CADPS2: variants seen among roughly 807,000 people sequenced by gnomAD.
CADPS2 encodes calcium dependent secretion activator 2.
CADPS2 carries 93 observed loss-of-function variants against 172.5 expected under a neutral mutation model. The observed-to-expected ratio is 0.54, with a 90% CI of 0.46 to 0.64. The LOEUF (loss-of-function observed/expected upper bound fraction) is 0.64. Ranked by LOEUF, CADPS2 falls within the 30% of genes least tolerant of loss-of-function variation. The pLI, the probability that CADPS2 is intolerant of heterozygous loss-of-function variation, is 0.00. For synonymous variants in CADPS2, 546 were observed against 555.2 expected (o/e 0.98, Z 0.23); for missense variants, 1,420 against 1,565.9 (o/e 0.91, Z 1.57).
intron 2 of CADPS2, among the ~76,000 whole-genome samples, chr7:122,675,069 G>A (rs1044215488): frequency 5.3e-5 from 8 of 152,054 alleles, no homozygotes; most frequent in African/African-American, 1.4e-4. Flanking sequence ...TGATTCATAC[G>A]TGTTGTAATC....
chr7:122,491,655 T>G (rs936567110), intron 9 of CADPS2, among the ~76,000 whole-genome samples: 2 of 152,150 alleles, frequency 1.3e-5, no homozygotes, highest in African/African-American at 4.8e-5. Flanking sequence ...AAGACAATGA[T>G]TTGGTGCTCA....
intron 14 of CADPS2, among the ~76,000 whole-genome samples, chr7:122,467,101 C>T (rs1008296232): frequency 6.6e-6 from 1 of 152,016 alleles, no homozygotes; most frequent in African/African-American, 2.4e-5. Flanking sequence ...AAATATACTC[C>T]CCAATACCCA....
At chr7:122,777,481 G>T (rs2093920466) in intron 1 of CADPS2, among the ~76,000 whole-genome samples, 1 of 152,162 alleles carries the variant, frequency 6.6e-6, no homozygotes, top group Admixed American at 6.5e-5. Flanking sequence ...CCTGGAAAAT[G>T]ACATCTCTTA....
At chr7:122,731,320 G>A (rs1174057762) in intron 2 of CADPS2, among the ~76,000 whole-genome samples, 1 of 151,476 alleles carries the variant, frequency 6.6e-6, no homozygotes, top group Non-Finnish European at 1.5e-5. Context: ...TATGCTGAAA[G>A]CAGCTAGTAA....
chr7:122,595,113 C>G (rs1431819638), intron 6 of CADPS2, among the ~76,000 whole-genome samples: 1 of 151,522 alleles, frequency 6.6e-6, no homozygotes, highest in Non-Finnish European at 1.5e-5. Context: ...TCTCAACCTA[C>G]TTGCTCCCAT....
chr7:122,768,800 C>T (rs955844001), intron 1 of CADPS2, among the ~76,000 whole-genome samples: 1 of 151,846 alleles, frequency 6.6e-6, no homozygotes, highest in African/African-American at 2.4e-5. Flanking sequence ...CCCAAAGACC[C>T]CATGTGTAGA....
intron 27 of CADPS2, among the ~76,000 whole-genome samples, chr7:122,355,931 C>T (rs1236293833): frequency 1.3e-5 from 2 of 152,120 alleles, no homozygotes; most frequent in Non-Finnish European, 2.9e-5. Context: ...TTTTAATAAA[C>T]ATTTTATTTT....
chr7:122,849,206 T>C (rs942620045), intron 1 of CADPS2, among the ~76,000 whole-genome samples: 3 of 152,216 alleles, frequency 2.0e-5, no homozygotes, highest in Non-Finnish European at 2.9e-5. Context: ...ACCTGACTGA[T>C]GTTTATCAAA....
intron 28 of CADPS2, chr7:122,331,241 A>G (rs1209910984): frequency 6.6e-6 from 1 of 152,342 alleles, no homozygotes; most frequent in East Asian, 1.9e-4. Context: ...AATGAGATTT[A>G]TAAAGAACTG....
chr7:122,770,558 C>T (rs2093678644), intron 1 of CADPS2, among the ~76,000 whole-genome samples: 1 of 152,252 alleles, frequency 6.6e-6, no homozygotes, highest in African/African-American at 2.4e-5. Context: ...GAATAAGATA[C>T]TTTTGTTTCA....
At chr7:122,542,613 C>G (rs1484889482) in intron 8 of CADPS2, among the ~76,000 whole-genome samples, 2 of 152,092 alleles carry the variant, frequency 1.3e-5, no homozygotes, top group Non-Finnish European at 2.9e-5. Context: ...ATATTCTTTG[C>G]AGTATTTTCA....
At chr7:122,641,997 A>G (rs1468428768) in intron 3 of CADPS2, among the ~76,000 whole-genome samples, 1 of 152,090 alleles carries the variant, frequency 6.6e-6, no homozygotes, top group Non-Finnish European at 1.5e-5. Flanking sequence ...GGAGAAATTG[A>G]GGCCGGCCGT....
At chr7:122,666,425 A>C (rs1243495848) in intron 2 of CADPS2, among the ~76,000 whole-genome samples, 1 of 149,992 alleles carries the variant, frequency 6.7e-6, no homozygotes, top group Non-Finnish European at 1.5e-5. Context: ...TTCACTGCAA[A>C]CTCCACTTCC....
chr7:122,815,907 T>C (rs1356715528), intron 1 of CADPS2, among the ~76,000 whole-genome samples: 1 of 152,206 alleles, frequency 6.6e-6, no homozygotes, highest in Non-Finnish European at 1.5e-5. Context: ...ACCTAATAGT[T>C]GTACATATTT....
chr7:122,507,370 G>A (rs2059685373), intron 9 of CADPS2, among the ~76,000 whole-genome samples: 1 of 152,118 alleles, frequency 6.6e-6, no homozygotes, highest in South Asian at 2.1e-4. Context: ...TAATCCAAAG[G>A]TGTATTTACA....
intron 7 of CADPS2, among the ~76,000 whole-genome samples, chr7:122,569,297 T>C (rs1381414302): frequency 1.3e-5 from 2 of 151,906 alleles, no homozygotes; most frequent in Non-Finnish European, 2.9e-5. Flanking sequence ...TCAAAGAGAA[T>C]AAAATACTTA....
At chr7:122,337,033 T>G (rs1185886273) in intron 28 of CADPS2, among the ~76,000 whole-genome samples, 6 of 152,170 alleles carry the variant, frequency 3.9e-5, no homozygotes, top group Non-Finnish European at 7.4e-5. Context: ...TCACAGCTAA[T>G]TAGTGTTCTG....
intron 6 of CADPS2, among the ~76,000 whole-genome samples, chr7:122,594,108 A>ATT (rs1166272499): frequency 6.6e-6 from 1 of 151,994 alleles, no homozygotes; most frequent in Non-Finnish European, 1.5e-5. Flanking sequence ...TTTTATTATG[A>ATT]TGGAAAGATA....
chr7:122,411,170 T>G (rs886902275), intron 19 of CADPS2, among the ~76,000 whole-genome samples: 3 of 152,124 alleles, frequency 2.0e-5, no homozygotes, highest in African/African-American at 7.2e-5. Flanking sequence ...GATTTATGGC[T>G]TGATTTCTTT....
Sources: allele counts gnomAD v4.1 joint callset (sites outside exome capture counted in the v4.1 genomes callset), GRCh38; gene constraint gnomAD v4.1.1; transcripts MANE v1.5; gene names NCBI Gene and HGNC (gene_info 2026-07-23, HGNC 2026-07-21).